NCOA2: variants seen among roughly 807,000 people sequenced by gnomAD.
The protein encoded by NCOA2 is nuclear receptor coactivator 2.
In NCOA2, 21 loss-of-function variants were observed where a neutral mutation model predicts 145.1. The ratio of observed to expected loss-of-function variants is 0.14; its 90% confidence interval spans 0.10 to 0.21. The LOEUF (loss-of-function observed/expected upper bound fraction) is 0.21. Ranked by LOEUF, NCOA2 falls within the 10% of genes least tolerant of loss-of-function variation. NCOA2 has a pLI of 1.00. For missense variants in NCOA2, 1,472 were observed against 1,837.6 expected (o/e 0.80, Z 3.64); for synonymous variants, 619 against 637.5 (o/e 0.97, Z 0.44).
intron 4 of NCOA2, among the ~76,000 whole-genome samples, chr8:70,204,744 C>T (rs1230883940): frequency 6.6e-6 from 1 of 152,154 alleles, no homozygotes; most frequent in East Asian, 1.9e-4. Context: ...GTAATCCCAG[C>T]ACTTAGGGAG....
the NCOA2 span, among the ~76,000 whole-genome samples, chr8:70,442,967 C>T: frequency 2.6e-5 from 4 of 152,122 alleles, no homozygotes; most frequent in Admixed American, 1.3e-4. Context: ...GGTAAGCATC[C>T]GTACGCAGTC....
At chr8:70,379,983 CT>C (rs1181751486) in intron 1 of NCOA2, among the ~76,000 whole-genome samples, 1 of 151,984 alleles carries the variant, frequency 6.6e-6, no homozygotes, top group African/African-American at 2.4e-5. Context: ...TTATAAATAA[CT>C]TAATGAGGCT....
At chr8:70,179,489 A>T (rs1038454126) in intron 4 of NCOA2, among the ~76,000 whole-genome samples, 1 of 152,184 alleles carries the variant, frequency 6.6e-6, no homozygotes, top group African/African-American at 2.4e-5. Flanking sequence ...TGTTAACCGG[A>T]CATATACTGG....
At chr8:70,146,132 TAGATTA>T (rs1811041188) in intron 12 of NCOA2, among the ~76,000 whole-genome samples, 1 of 152,238 alleles carries the variant, frequency 6.6e-6, no homozygotes, top group Non-Finnish European at 1.5e-5. Context: ...GGATTAGAAT[TAGATTA>T]AAAGTGGTTA....
At chr8:70,265,832 T>C (rs1373123191) in intron 2 of NCOA2, among the ~76,000 whole-genome samples, 1 of 152,084 alleles carries the variant, frequency 6.6e-6, no homozygotes, top group Non-Finnish European at 1.5e-5. Context: ...TTGTTGTTGT[T>C]GTTTTGTTTG....
chr8:70,148,240 T>G (rs764734726), intron 12 of NCOA2, 33 bp downstream of exon 12: 14 of 1,590,364 alleles, frequency 8.8e-6, no homozygotes, highest in African/African-American at 1.3e-5. Context: ...ATATGGAAAT[T>G]TCTTGGCATA....
intron 1 of NCOA2, among the ~76,000 whole-genome samples, chr8:70,300,906 C>T (rs1586419695): frequency 6.6e-6 from 1 of 152,126 alleles, no homozygotes; most frequent in Non-Finnish European, 1.5e-5. Context: ...ACCTTCATAA[C>T]AATCCTATGA....
At chr8:70,429,978 G>T in the NCOA2 span, among the ~76,000 whole-genome samples, 3 of 152,020 alleles carry the variant, frequency 2.0e-5, no homozygotes, top group Admixed American at 1.3e-4. Context: ...TCAGCCTTCC[G>T]AGCAGCAGGG....
At chr8:70,446,291 G>C in the NCOA2 span, among the ~76,000 whole-genome samples, 24 of 152,272 alleles carry the variant, frequency 1.6e-4, no homozygotes, top group Admixed American at 3.9e-4. Flanking sequence ...CGGCTCCAGG[G>C]CTGGGTGCCC....
At chr8:70,272,602 A>G (rs937361386) in intron 2 of NCOA2, among the ~76,000 whole-genome samples, 4 of 152,212 alleles carry the variant, frequency 2.6e-5, no homozygotes, top group African/African-American at 9.7e-5. Flanking sequence ...AAGTCAGATT[A>G]TAAGTCAACC....
chr8:70,323,084 C>T lies in NCOA2; in HGVS notation c.-76-26284G>A, dbSNP rs148654662. On this transcript the variant is annotated intron_variant, in intron 1 of 22. Coordinates refer to ENST00000452400, the MANE Select transcript of NCOA2 (RefSeq NM_006540.4). ...CTGCTAATTACTGAGTCAGATTTAACGAATACGTAAACTACTCTGGCTATG... is the reference window on the plus strand; with the variant it reads ...CTGCTAATTACTGAGTCAGATTTAATGAATACGTAAACTACTCTGGCTATG... Among the ~76,000 whole-genome samples, 57 of 152,234 alleles carry T rather than the reference C, an allele frequency of 3.7e-4. No homozygotes were observed. The East Asian group carries it at 0.01, about 28-fold the overall frequency.
intron 2 of NCOA2, among the ~76,000 whole-genome samples, chr8:70,251,019 T>C (rs1370001831): frequency 6.6e-6 from 1 of 152,178 alleles, no homozygotes; most frequent in Non-Finnish European, 1.5e-5. Flanking sequence ...TTGTTTCCAT[T>C]AGGCATAGAT....
intron 1 of NCOA2, among the ~76,000 whole-genome samples, chr8:70,401,601 A>G (rs975126182): frequency 6.6e-6 from 1 of 152,172 alleles, no homozygotes; most frequent in African/African-American, 2.4e-5. Context: ...CACTTTGGGA[A>G]CTGGAGCTCT....
In NCOA2 at chr8:70,166,836, A is replaced by G. The variant is rs563636776; in HGVS notation, c.542-82T>C. 13 of 1,257,922 alleles carry G rather than the reference A, an allele frequency of 1.0e-5. No individual in the cohort carries two copies. In the East Asian group the frequency reaches 3.0e-4, roughly 29 times the overall value. The allele number at this position is 1,257,922 out of a possible 1,614,324, so 77.9% of individuals were successfully genotyped here. ...CTCTGAATTATTAAAATGATGTAGG[A>G]AAAATATGATTATTTCATCTTTATG... On this transcript the variant is annotated intron_variant, in intron 6 of 22. Coordinates refer to ENST00000452400, the MANE Select transcript of NCOA2 (RefSeq NM_006540.4).
At chr8:70,258,692 T>A (rs1307750734) in intron 2 of NCOA2, among the ~76,000 whole-genome samples, 2 of 152,134 alleles carry the variant, frequency 1.3e-5, no homozygotes, top group South Asian at 4.1e-4. Flanking sequence ...ACCAATAACT[T>A]CTTCTCATGC....
Position 70,156,361 on chromosome 8 carries a change from G to T in NCOA2, c.2004C>A (p.Ser668=). The change falls in exon 11 of 23, where the codon TCC becomes TCA. Residue 668 remains serine (S), a synonymous_variant. Coordinates refer to ENST00000452400, the MANE Select transcript of NCOA2 (RefSeq NM_006540.4). The part of the protein sequence containing the change: ...ASSLSDTNKD[S]TGSLPGSGST... ...ACCCAGAACCAGGCAAGCTACCTGT[G>T]GAGTCTTTGTTTGTATCCGACAAAG... The T allele has an allele frequency of 6.2e-7, 1 of 1,613,924 alleles. No homozygotes were observed. Among genetic ancestry groups the T allele is most frequent in the Non-Finnish European group, 8.5e-7 (1 of 1,179,882 alleles).
intron 1 of NCOA2, among the ~76,000 whole-genome samples, chr8:70,335,165 A>G (rs1807479146): frequency 7.3e-6 from 1 of 136,832 alleles, no homozygotes; most frequent in Non-Finnish European, 1.5e-5. Context: ...ATCTCTCCCT[A>G]TGACCATTTT....
intron 1 of NCOA2, among the ~76,000 whole-genome samples, chr8:70,378,094 G>C (rs1811839675): frequency 1.3e-5 from 2 of 152,042 alleles, no homozygotes; most frequent in South Asian, 4.1e-4. Flanking sequence ...GGAAGATTAA[G>C]GTCAGTAACA....
chr8:70,152,012 TA>T (rs1285578937), intron 11 of NCOA2, among the ~76,000 whole-genome samples: 9 of 152,238 alleles, frequency 5.9e-5, no homozygotes, highest in African/African-American at 1.9e-4. Context: ...AAAGTTCTTC[TA>T]GTCTCTATCC....
Sources: allele counts gnomAD v4.1 joint callset (sites outside exome capture counted in the v4.1 genomes callset), GRCh38; gene constraint gnomAD v4.1.1; transcripts MANE v1.5; gene names NCBI Gene and HGNC (gene_info 2026-07-23, HGNC 2026-07-21).